ZNG1A: variants seen among roughly 807,000 people sequenced by gnomAD.
ZNG1A encodes the protein Zn regulated GTPase metalloprotein activator 1A.
At chr9:141,745 G>A in the ZNG1A span, among the ~76,000 whole-genome samples, 1 of 151,648 alleles carries the variant, frequency 6.6e-6, no homozygotes, top group African/African-American at 2.4e-5. Context: ...ACACAGACTG[G>A]CAAATTGGAT....
chr9:140,033 T>C, the ZNG1A span, among the ~76,000 whole-genome samples: 13 of 150,364 alleles, frequency 8.6e-5, no homozygotes, highest in Non-Finnish European at 1.9e-4. Flanking sequence ...GTCTCGCTGA[T>C]TGCTAGCACA....
At chr9:154,753 G>A in the ZNG1A span, 5 of 1,597,860 alleles carry the variant, frequency 3.1e-6, no homozygotes, top group Non-Finnish European at 4.2e-6. Context: ...CTGGAACCAG[G>A]TCTGTTTTAT....
the ZNG1A span, among the ~76,000 whole-genome samples, chr9:139,240 T>C: frequency 6.7e-6 from 1 of 149,898 alleles, no homozygotes; most frequent in East Asian, 1.9e-4. Flanking sequence ...TTGATGACTT[T>C]ACGCTACGTG....
chr9:150,323 T>A, the ZNG1A span: 1 of 471,938 alleles, frequency 2.1e-6, no homozygotes, highest in Non-Finnish European at 2.7e-6. Flanking sequence ...AGACGGGGTT[T>A]CACAGTGTTA....
At chr9:176,230 A>G in the ZNG1A span, among the ~76,000 whole-genome samples, 1 of 139,238 alleles carries the variant, frequency 7.2e-6, no homozygotes, top group African/African-American at 2.8e-5. Flanking sequence ...TAAATTCATA[A>G]AGCTATACCA....
the ZNG1A span, chr9:175,852 G>C: frequency 1.1e-3 from 1,072 of 1,011,996 alleles, 10 homozygotes; most frequent in South Asian, 1.6e-3. Context: ...AACATATAAA[G>C]AATCCTAACG....
the ZNG1A span, among the ~76,000 whole-genome samples, chr9:176,386 T>C: frequency 6.9e-6 from 1 of 144,554 alleles, no homozygotes; most frequent in Non-Finnish European, 1.5e-5. Flanking sequence ...TGTATGACTA[T>C]ATCATTTCTT....
chr9:145,849 G>C, the ZNG1A span, among the ~76,000 whole-genome samples: 261 of 151,862 alleles, frequency 1.7e-3, 1 homozygote, highest in African/African-American at 5.8e-3. Flanking sequence ...ATAGTGTTTG[G>C]TGTAGAAGTG....
chr9:177,733 T>C, the ZNG1A span: 28 of 1,532,882 alleles, frequency 1.8e-5, no homozygotes, highest in Middle Eastern at 4.7e-4. Context: ...CAGTGAGCAA[T>C]ACGGGAAAGG....
chr9:161,356 T>A, the ZNG1A span, among the ~76,000 whole-genome samples: 1 of 151,448 alleles, frequency 6.6e-6, no homozygotes, highest in Non-Finnish European at 1.5e-5. Context: ...TAATCCCAGA[T>A]ACTCAGGAGG....
chr9:157,527 C>A, the ZNG1A span, among the ~76,000 whole-genome samples: 2 of 133,710 alleles, frequency 1.5e-5, no homozygotes, highest in African/African-American at 2.9e-5. Context: ...GAATTATATA[C>A]ATTTTTCTCA....
the ZNG1A span, among the ~76,000 whole-genome samples, chr9:174,146 C>CG: frequency 1.1e-4 from 10 of 92,616 alleles, no homozygotes; most frequent in Non-Finnish European, 1.3e-4. Context: ...GACTCCATCT[C>CG]AAAAAAAAAA....
the ZNG1A span, among the ~76,000 whole-genome samples, chr9:141,967 G>A: frequency 6.0e-5 from 9 of 149,072 alleles, no homozygotes; most frequent in African/African-American, 2.2e-4. Context: ...AATGGTAAAG[G>A]GATCAATTCA....
At chr9:140,508 T>A in the ZNG1A span, among the ~76,000 whole-genome samples, 3 of 151,488 alleles carry the variant, frequency 2.0e-5, no homozygotes, top group Non-Finnish European at 4.4e-5. Context: ...CAAAAACCCA[T>A]CTGTACATCA....
chr9:175,012 A>G, the ZNG1A span, among the ~76,000 whole-genome samples: 1 of 152,132 alleles, frequency 6.6e-6, no homozygotes, highest in African/African-American at 2.4e-5. Context: ...TTAACTAATA[A>G]CAGAAGCATT....
chr9:153,650 A>G, the ZNG1A span: 8 of 151,986 alleles, frequency 5.3e-5, no homozygotes, highest in Non-Finnish European at 1.2e-4. Flanking sequence ...ATATTTTTTT[A>G]TAGTAAAGTT....
the ZNG1A span, chr9:172,219 T>C: frequency 1.9e-6 from 3 of 1,604,524 alleles, no homozygotes; most frequent in Non-Finnish European, 2.6e-6. Context: ...CTAAATATTT[T>C]GAAGTGATTA....
chr9:150,116 G>GTTTTTTTTTTTTTTTTTTTTTTTTT, the ZNG1A span: 8 of 101,388 alleles, frequency 7.9e-5, 3 homozygotes, highest in Non-Finnish European at 3.7e-5. Flanking sequence ...CAAATCTCCG[G>GTTTTTTTTTTTTTTTTTTTTTTTTT]TTTTGTTTTT....
At chr9:138,603 A>G in the ZNG1A span, among the ~76,000 whole-genome samples, 1 of 147,526 alleles carries the variant, frequency 6.8e-6, no homozygotes, top group African/African-American at 2.6e-5. Context: ...GCAAAATTAG[A>G]AATATATATA....
Sources: allele counts gnomAD v4.1 joint callset (sites outside exome capture counted in the v4.1 genomes callset), GRCh38; gene constraint gnomAD v4.1.1; transcripts MANE v1.5; gene names NCBI Gene and HGNC (gene_info 2026-07-23, HGNC 2026-07-21).